Variants in PIK3C3 observed in about 807,000 individuals in gnomAD.
PIK3C3 encodes PI3-kinase type 3.
PIK3C3 carries 95 observed loss-of-function variants against 126.1 expected under a neutral mutation model. The observed-to-expected ratio is 0.75, with a 90% confidence interval of 0.64 to 0.89. The LOEUF (loss-of-function observed/expected upper bound fraction) is 0.89, where lower values mean the gene tolerates loss of function less well. PIK3C3 is among the 40% of genes least tolerant of loss of function. PIK3C3 has a pLI of 0.00. For synonymous variants in PIK3C3, 374 were observed against 360.0 expected (o/e 1.04, Z -0.44); for missense variants, 829 against 1,063.2 (o/e 0.78, Z 3.06).
At chr18:41,993,910 G>A (rs560190130) in intron 7 of PIK3C3, among the ~76,000 whole-genome samples, 1 of 152,134 alleles carries the variant, frequency 6.6e-6, no homozygotes, top group Non-Finnish European at 1.5e-5. Flanking sequence ...CAATGCAAAA[G>A]AGGTTTAATT....
rs1174440688 is a variant in PIK3C3, at chr18:42,084,861, TC to T, written c.*3726del. On this transcript the variant is annotated 3_prime_UTR_variant, in exon 25 of 25. Transcript: ENST00000262039. ...GGCCTTGTGAGTTTTCCCAGGGGAT[TC>T]CGATGCCTGCTAGATTTAACCAGTA... 1.3e-5 allele frequency: 2 copies of T among 152,202 alleles called. No homozygotes were observed. Among genetic ancestry groups the T allele is most frequent in the African/African-American group, 4.8e-5 (2 of 41,434 alleles). 9.4% of individuals were successfully genotyped at this position (152,202 alleles called of 1,614,324 possible).
intron 16 of PIK3C3, among the ~76,000 whole-genome samples, chr18:42,036,744 A>G (rs1984071576): frequency 6.6e-6 from 1 of 152,080 alleles, no homozygotes; most frequent in Non-Finnish European, 1.5e-5. Flanking sequence ...AAAGATACAG[A>G]TATTTGAGAT....
intron 17 of PIK3C3, 50 bp downstream of exon 17, chr18:42,037,870 C>CTT: frequency 6.5e-7 from 1 of 1,534,754 alleles, no homozygotes; most frequent in African/African-American, 1.4e-5. Flanking sequence ...TTTTGGAATA[C>CTT]TGTGGCTTAG....
intron 23 of PIK3C3, among the ~76,000 whole-genome samples, chr18:42,065,419 A>G (rs899306393): frequency 6.6e-6 from 1 of 152,250 alleles, no homozygotes; most frequent in African/African-American, 2.4e-5. Flanking sequence ...GGAAGGAAGA[A>G]CAAAATGAAA....
intron 10 of PIK3C3, among the ~76,000 whole-genome samples, chr18:42,009,714 T>C (rs1006505740): frequency 2.7e-5 from 4 of 148,828 alleles, no homozygotes; most frequent in Admixed American, 2.0e-4. Flanking sequence ...GCTTACATTA[T>C]GTAATGTACA....
chr18:41,972,142 T>C (rs1323789007), intron 4 of PIK3C3, among the ~76,000 whole-genome samples: 1 of 152,094 alleles, frequency 6.6e-6, no homozygotes, highest in Non-Finnish European at 1.5e-5. Flanking sequence ...ATCTTTTGAA[T>C]TTTATACTAG....
chr18:42,052,302 A>G (rs1350235194), intron 21 of PIK3C3, among the ~76,000 whole-genome samples: 3 of 152,270 alleles, frequency 2.0e-5, no homozygotes, highest in East Asian at 3.9e-4. Flanking sequence ...AGAAGCTTTA[A>G]GCTTTTGTTA....
intron 4 of PIK3C3, among the ~76,000 whole-genome samples, chr18:41,984,556 G>A (rs534654012): frequency 5.3e-5 from 8 of 152,292 alleles, no homozygotes; most frequent in African/African-American, 1.9e-4. Flanking sequence ...GTGTTAGCTG[G>A]AGTTTAGTGA....
At chr18:42,042,044 G>A (rs991681847) in intron 19 of PIK3C3, among the ~76,000 whole-genome samples, 3 of 152,096 alleles carry the variant, frequency 2.0e-5, no homozygotes, top group Non-Finnish European at 4.4e-5. Context: ...AGGGTGGTTC[G>A]CTGTGCCTAG....
intron 3 of PIK3C3, among the ~76,000 whole-genome samples, chr18:41,964,721 C>CA (rs1346226726): frequency 6.6e-6 from 1 of 151,872 alleles, no homozygotes; most frequent in East Asian, 1.9e-4. Context: ...TTAAAAAACT[C>CA]AATGTTATTT....
chr18:42,032,749 T>C (rs1478590276), intron 15 of PIK3C3, among the ~76,000 whole-genome samples: 2 of 152,026 alleles, frequency 1.3e-5, no homozygotes, highest in Non-Finnish European at 2.9e-5. Flanking sequence ...CATTAGTAGA[T>C]CTGACCATCC....
At chr18:41,982,092 T>C (rs1175483243) in intron 4 of PIK3C3, among the ~76,000 whole-genome samples, 1 of 152,190 alleles carries the variant, frequency 6.6e-6, no homozygotes, top group Non-Finnish European at 1.5e-5. Context: ...CATGCAACTA[T>C]ATTAGCAGAC....
intron 13 of PIK3C3, among the ~76,000 whole-genome samples, chr18:42,021,755 A>G (rs1417589092): frequency 6.6e-6 from 1 of 152,204 alleles, no homozygotes; most frequent in Non-Finnish European, 1.5e-5. Flanking sequence ...AAATGCTCCA[A>G]AATCCAAAAC....
rs567003910 is a variant in PIK3C3 at position 42,072,218 on chromosome 18, A to T, written c.2649+4705A>T. On this transcript the variant is annotated intron_variant, in intron 24 of 24. Transcript: ENST00000262039. ...ATGGTAATTTTAGTACATTCCCATT[A>T]ATCATTGTGGATAGTAGAACCAACT... Among the ~76,000 whole-genome samples, 3 of 152,290 alleles carry T rather than the reference A, an allele frequency of 2.0e-5. No homozygotes were observed. In the East Asian group the frequency reaches 5.8e-4, roughly 29 times the overall value.
intron 14 of PIK3C3, among the ~76,000 whole-genome samples, chr18:42,028,850 T>C (rs956472557): frequency 2.0e-5 from 3 of 152,254 alleles, no homozygotes; most frequent in African/African-American, 7.2e-5. Context: ...TTAGTTTTTA[T>C]GACTTATATT....
intron 2 of PIK3C3, among the ~76,000 whole-genome samples, chr18:41,958,928 A>G (rs751012587): frequency 1.5e-4 from 23 of 152,282 alleles, no homozygotes; most frequent in Admixed American, 3.3e-4. Flanking sequence ...ACGTTATAAC[A>G]CCTTAACTGT....
At chr18:42,056,193 AACATT>A (rs1568003765) in intron 21 of PIK3C3, among the ~76,000 whole-genome samples, 1 of 152,162 alleles carries the variant, frequency 6.6e-6, no homozygotes. Flanking sequence ...ATTTTCTTAA[AACATT>A]ACATTAATAG....
Position 42,081,320 on chromosome 18 carries a change from T to C in PIK3C3, c.*183T>C, listed in dbSNP as rs1334290034. ...TTCCTTGGATGTCATTGCTTAAATA[T>C]AGTCTTGAAGGGCTTGTTTTGAAAT... On this transcript the variant is annotated 3_prime_UTR_variant, in exon 25 of 25. Coordinates refer to ENST00000262039, the MANE Select transcript of PIK3C3 (RefSeq NM_002647.4). 3 of 483,176 alleles carry C rather than the reference T, an allele frequency of 6.2e-6. No individual in the cohort carries two copies. Among genetic ancestry groups the C allele is most frequent in the African/African-American group, 4.0e-5 (2 of 50,600 alleles). 29.9% of individuals were successfully genotyped at this position (483,176 alleles called of 1,614,324 possible). A position where few individuals can be genotyped will look rare whatever the true frequency, so the allele number is the denominator to read the frequency against.
At chr18:42,073,515 C>A (rs1985861369) in intron 24 of PIK3C3, among the ~76,000 whole-genome samples, 1 of 152,154 alleles carries the variant, frequency 6.6e-6, no homozygotes, top group Non-Finnish European at 1.5e-5. Flanking sequence ...CATAACATGG[C>A]ATCTTACTAC....
Sources: gnomAD v4.1 joint callset for allele counts (sites outside exome capture counted in the v4.1 genomes callset) on GRCh38, gnomAD v4.1.1 for gene constraint, MANE v1.5 for transcripts, NCBI Gene and HGNC (gene_info 2026-07-23, HGNC 2026-07-21) for gene names.